The following RPS6KA2 variants were observed in gnomAD, a reference collection of about 807,000 sequenced individuals.
The protein encoded by RPS6KA2 is ribosomal protein S6 kinase alpha-2.
In RPS6KA2, 42 loss-of-function variants were observed where a neutral mutation model predicts 91.8. The observed-to-expected ratio is 0.46, with a 90% CI of 0.36 to 0.59. RPS6KA2 has a LOEUF of 0.59. RPS6KA2 is among the 20% of genes least tolerant of loss of function. The probability of loss-of-function intolerance (pLI) is 0.00; values close to 1 mark genes in which losing one functional copy is unlikely to be tolerated. For synonymous variants in RPS6KA2, 414 were observed against 393.6 expected (o/e 1.05, Z -0.61); for missense variants, 798 against 978.5 (o/e 0.82, Z 2.46).
chr6:166,450,088 G>T (rs75111679), intron 13 of RPS6KA2, among the ~76,000 whole-genome samples: 1 of 89,014 alleles, frequency 1.1e-5, no homozygotes, highest in Non-Finnish European at 2.4e-5. Flanking sequence ...GGGTACCACC[G>T]GGGAACCACC....
intron 11 of RPS6KA2, 24 bp downstream of exon 11, chr6:166,469,817 T>C: frequency 6.2e-7 from 1 of 1,607,230 alleles, no homozygotes; most frequent in Non-Finnish European, 8.5e-7. Context: ...CGTGTGCAGG[T>C]GGGGACTGTG....
intron 2 of RPS6KA2, among the ~76,000 whole-genome samples, chr6:166,828,143 G>A (rs1780093293): frequency 6.8e-6 from 1 of 147,418 alleles, no homozygotes; most frequent in African/African-American, 2.7e-5. Context: ...GGGTCAGCAT[G>A]GGGCATGGGC....
At chr6:166,780,812 A>T (rs1190471616) in intron 2 of RPS6KA2, among the ~76,000 whole-genome samples, 1 of 152,224 alleles carries the variant, frequency 6.6e-6, no homozygotes, top group Non-Finnish European at 1.5e-5. Context: ...TGTCTGCAAC[A>T]TTGCAAGTCA....
At chr6:166,729,352 T>G (rs758257165) in intron 2 of RPS6KA2, among the ~76,000 whole-genome samples, 4 of 152,192 alleles carry the variant, frequency 2.6e-5, no homozygotes, top group Admixed American at 6.5e-5. Flanking sequence ...TGTTATTTCT[T>G]TCTCTTTCTG....
In RPS6KA2 at chr6:166,665,911, G is replaced by A. The variant is rs1165714709; in HGVS notation, c.124-127127C>T. On this transcript the variant is annotated intron_variant, in intron 2 of 21. Transcript: ENST00000503859. This position sits in a 1 kb window ranked among gnomAD's most constrained non-coding sequence, Gnocchi z 4.5. ...TGCTTCCTGGGCAGGAAATTCACAT[G>A]TGAAATCCAGTTTCTGAGAGGCTCA... Among the ~76,000 whole-genome samples the A allele has an allele frequency of 1.3e-5, 2 of 152,208 alleles. No homozygotes were observed. Among genetic ancestry groups the A allele is most frequent in the Non-Finnish European group, 2.9e-5 (2 of 68,046 alleles).
intron 2 of RPS6KA2, chr6:166,701,085 TC>T: frequency 1.3e-6 from 2 of 1,598,680 alleles, no homozygotes; most frequent in Non-Finnish European, 1.7e-6. Context: ...GTGGGCTGTT[TC>T]CTGAGCCTTA....
chr6:166,648,232 A>G lies in RPS6KA2; in HGVS notation c.124-109448T>C, dbSNP rs1046186464. ...CATGCACACACACGCACATGCGCACACACACACATTCACACAGGCACACAC... is the reference window on the plus strand; with the variant it reads ...CATGCACACACACGCACATGCGCACGCACACACATTCACACAGGCACACAC... On this transcript the variant is annotated intron_variant, in intron 2 of 21. Coordinates refer to the RPS6KA2 transcript ENST00000503859. The surrounding 1 kb of genome is among the most constrained non-coding windows in gnomAD (Gnocchi z 4.8). Among the ~76,000 whole-genome samples, 11 of 149,752 alleles carry G rather than the reference A, an allele frequency of 7.3e-5. No homozygotes were observed. Among genetic ancestry groups the G allele is most frequent in the Non-Finnish European group, 1.0e-4 (7 of 67,294 alleles).
chr6:166,593,525 T>G (rs1195738381), intron 1 of RPS6KA2, among the ~76,000 whole-genome samples: 2 of 151,646 alleles, frequency 1.3e-5, no homozygotes, highest in Non-Finnish European at 2.9e-5. Flanking sequence ...CTCAGAATGG[T>G]ATCGATTTTT....
chr6:166,450,513 C>T (rs1312268684), intron 13 of RPS6KA2, among the ~76,000 whole-genome samples: 1 of 149,932 alleles, frequency 6.7e-6, no homozygotes, highest in Non-Finnish European at 1.5e-5. Flanking sequence ...TGGGGACCAC[C>T]AGAGGGACCA....
intron 2 of RPS6KA2, among the ~76,000 whole-genome samples, chr6:166,806,864 A>C (rs1779505270): frequency 6.6e-6 from 1 of 152,242 alleles, no homozygotes; most frequent in African/African-American, 2.4e-5. Flanking sequence ...GAGTTCAACA[A>C]CTGAAAGAGG....
At chr6:166,667,097 G>A (rs1369761279) in intron 2 of RPS6KA2, among the ~76,000 whole-genome samples, 4 of 152,174 alleles carry the variant, frequency 2.6e-5, no homozygotes, top group Non-Finnish European at 4.4e-5. Context: ...TGAGGATTAG[G>A]GGGAAAAAGA....
intron 2 of RPS6KA2, among the ~76,000 whole-genome samples, chr6:166,845,209 CA>C (rs1780576969): frequency 6.6e-6 from 1 of 152,034 alleles, no homozygotes; most frequent in South Asian, 2.1e-4. Context: ...CCCAAGTTTA[CA>C]AAACAATTAT....
At chr6:166,645,508 C>T (rs549908414) in intron 2 of RPS6KA2, among the ~76,000 whole-genome samples, 3 of 152,338 alleles carry the variant, frequency 2.0e-5, no homozygotes, top group South Asian at 2.1e-4. Flanking sequence ...TCTCTTCAAC[C>T]TGCTCACCTC....
At chr6:166,543,516 CATGGCT>C (rs1562568688) in intron 1 of RPS6KA2, among the ~76,000 whole-genome samples, 1 of 152,196 alleles carries the variant, frequency 6.6e-6, no homozygotes, top group East Asian at 1.9e-4. Flanking sequence ...TAGCACTGGG[CATGGCT>C]ATTCACTCCC....
chr6:166,529,597 G>A (rs1274756935), intron 3 of RPS6KA2, among the ~76,000 whole-genome samples: 1 of 152,084 alleles, frequency 6.6e-6, no homozygotes, highest in Admixed American at 6.6e-5. Context: ...TAAAAAGCAT[G>A]GGTTAAATTA....
At chr6:166,527,296 G>A (rs949949905) in intron 3 of RPS6KA2, among the ~76,000 whole-genome samples, 4 of 152,134 alleles carry the variant, frequency 2.6e-5, no homozygotes, top group African/African-American at 7.2e-5. Context: ...GAACCGTTAC[G>A]CTTGAAGGAG....
intron 2 of RPS6KA2, among the ~76,000 whole-genome samples, chr6:166,801,239 A>C (rs1259194012): frequency 1.3e-5 from 2 of 152,250 alleles, no homozygotes; most frequent in African/African-American, 4.8e-5. Context: ...AAAACATAAA[A>C]CATAAAGATA....
At chr6:166,604,819 C>A (rs1223883441) in intron 1 of RPS6KA2, among the ~76,000 whole-genome samples, 4 of 152,164 alleles carry the variant, frequency 2.6e-5, no homozygotes, top group Non-Finnish European at 5.9e-5. Context: ...GGGCTCTGTG[C>A]GCCAGTGCCA....
At chr6:166,574,936 C>G (rs193031732) in intron 1 of RPS6KA2, among the ~76,000 whole-genome samples, 6 of 152,114 alleles carry the variant, frequency 3.9e-5, no homozygotes, top group Admixed American at 3.3e-4. Flanking sequence ...GAAGAGCTAC[C>G]AAGGATCTAC....
Sources: gnomAD v4.1 joint callset for allele counts (sites outside exome capture counted in the v4.1 genomes callset) on GRCh38, gnomAD v4.1.1 for gene constraint, Gnocchi (gnomAD v3.1) non-coding constraint, MANE v1.5 for transcripts, NCBI Gene and HGNC (gene_info 2026-07-23, HGNC 2026-07-21) for gene names.